SNX24: variants seen among roughly 807,000 people sequenced by gnomAD.
SNX24 encodes sorting nexin-24.
Under a neutral mutation model 28.7 loss-of-function variants are expected in SNX24, and 22 were observed. The ratio of observed to expected loss-of-function variants is 0.77; its 90% CI spans 0.55 to 1.10. The LOEUF is 1.10. Ranked by LOEUF, SNX24 falls within the 50% of genes least tolerant of loss-of-function variation. The pLI is 0.00. For synonymous variants in SNX24, 69 were observed against 71.5 expected (o/e 0.96, Z 0.18); for missense variants, 221 against 201.1 (o/e 1.10, Z -0.60).
chr5:123,028,291 GT>G (rs1309112030), intron 5 of SNX24, among the ~76,000 whole-genome samples: 1 of 152,144 alleles, frequency 6.6e-6, no homozygotes, highest in African/African-American at 2.4e-5. Context: ...GTTTTTCACT[GT>G]TTTGTCAATA....
intron 1 of SNX24, among the ~76,000 whole-genome samples, chr5:122,889,544 A>C (rs1302265694): frequency 1.3e-5 from 2 of 150,522 alleles, no homozygotes; most frequent in Admixed American, 6.6e-5. Context: ...AAAGACTAAA[A>C]CCCTTTTTGT....
chr5:122,976,510 A>T (rs1345365383), intron 3 of SNX24, among the ~76,000 whole-genome samples: 1 of 152,214 alleles, frequency 6.6e-6, no homozygotes, highest in African/African-American at 2.4e-5. Context: ...TACAAGGATG[A>T]AAGTCACTCT....
At chr5:122,900,604 C>CA (rs1757397679) in intron 1 of SNX24, among the ~76,000 whole-genome samples, 1 of 151,624 alleles carries the variant, frequency 6.6e-6, no homozygotes, top group Non-Finnish European at 1.5e-5. Context: ...CCCATCACTA[C>CA]AAAAAATATA....
downstream of SNX24, among the ~76,000 whole-genome samples, chr5:123,013,069 G>C (rs370957901): frequency 2.0e-5 from 3 of 152,250 alleles, no homozygotes; most frequent in Non-Finnish European, 4.4e-5. Flanking sequence ...TCAACTCTTG[G>C]GGGTGTTTGT....
intron 2 of SNX24, among the ~76,000 whole-genome samples, chr5:122,943,015 A>G (rs113885876): frequency 1.6e-4 from 24 of 152,324 alleles, no homozygotes; most frequent in Non-Finnish European, 2.2e-4. Flanking sequence ...TTGTGATTCA[A>G]TAGTTCAAAA....
intron 3 of SNX24, among the ~76,000 whole-genome samples, chr5:122,977,932 T>A (rs1419791994): frequency 1.3e-5 from 2 of 152,226 alleles, no homozygotes; most frequent in African/African-American, 4.8e-5. Context: ...AATTTTAGTC[T>A]CAGCCAAATA....
chr5:122,979,959 C>G (rs1422776059), intron 3 of SNX24, among the ~76,000 whole-genome samples: 1 of 152,292 alleles, frequency 6.6e-6, no homozygotes, highest in African/African-American at 2.4e-5. Flanking sequence ...TAAACATTTT[C>G]CTTGAAGCTG....
At chr5:123,000,503 G>A (rs866213140) in intron 4 of SNX24, among the ~76,000 whole-genome samples, 19 of 152,128 alleles carry the variant, frequency 1.2e-4, no homozygotes, top group Non-Finnish European at 2.1e-4. Flanking sequence ...TTGCAGAACC[G>A]AGGCCTTCCA....
At chr5:122,878,151 C>T (rs165976) in intron 1 of SNX24, among the ~76,000 whole-genome samples, 27,897 of 151,924 alleles carry the variant, frequency 0.18, 3,056 homozygotes, top group East Asian at 0.48. Flanking sequence ...TTTTGGGACC[C>T]GGGGTGGGAA....
chr5:122,943,002 A>G (rs968854680), intron 2 of SNX24, among the ~76,000 whole-genome samples: 2 of 152,190 alleles, frequency 1.3e-5, no homozygotes, highest in East Asian at 1.9e-4. Context: ...TCTGAAATAT[A>G]TGTTGTGATT....
chr5:122,951,284 A>AAAAAAG (rs1759929805), intron 3 of SNX24, among the ~76,000 whole-genome samples: 1 of 132,386 alleles, frequency 7.6e-6, no homozygotes, highest in African/African-American at 3.0e-5. Flanking sequence ...AAAAAAAAAG[A>AAAAAAG]AAAAGAAAAG....
intron 3 of SNX24, among the ~76,000 whole-genome samples, chr5:122,957,697 C>A (rs944350594): frequency 1.7e-4 from 26 of 152,108 alleles, no homozygotes; most frequent in Non-Finnish European, 3.5e-4. Context: ...TCTTTAATTT[C>A]TTTCAGACAT....
At chr5:122,979,140 G>T (rs925787438) in intron 3 of SNX24, among the ~76,000 whole-genome samples, 1 of 152,118 alleles carries the variant, frequency 6.6e-6, no homozygotes, top group East Asian at 1.9e-4. Flanking sequence ...ATGAACAGAG[G>T]CCGGGTATTG....
intron 1 of SNX24, among the ~76,000 whole-genome samples, chr5:122,930,917 C>A (rs74995830): frequency 6.6e-6 from 1 of 152,162 alleles, no homozygotes; most frequent in South Asian, 2.1e-4. Flanking sequence ...AAATGACATA[C>A]AGCAGGTCCT....
At chr5:122,854,023 CT>C (rs10711290) in intron 1 of SNX24, among the ~76,000 whole-genome samples, 88,954 of 151,764 alleles carry the variant, frequency 0.59, 26,467 homozygotes, top group African/African-American at 0.67. Context: ...TCGAGTTTAT[CT>C]ACTGAAATTC....
chr5:122,941,237 G>T (rs1759431981), intron 2 of SNX24, among the ~76,000 whole-genome samples: 1 of 152,100 alleles, frequency 6.6e-6, no homozygotes, highest in South Asian at 2.1e-4. Context: ...CCTTTCCCAT[G>T]TAAGCGAATA....
chr5:123,021,837 C>T lies in SNX24; in HGVS notation n.384-7401C>T, dbSNP rs150564800. On this transcript the variant is annotated intron_variant and non_coding_transcript_variant, in intron 5 of 5. Coordinates refer to the SNX24 transcript ENST00000502387. ...CCTAACACACTGGCTTTCTCTTCTG[C>T]CCTGGAATTCACTCATCTTTATCTT... Among the ~76,000 whole-genome samples, 164 of 152,196 alleles carry T rather than the reference C, an allele frequency of 1.1e-3. 1 individual carries two copies. The highest frequency in any genetic ancestry group is 4.3e-3 in the Admixed American group (66 of 15,286).
At chr5:123,026,641 C>T (rs780533359) in intron 5 of SNX24, among the ~76,000 whole-genome samples, 55 of 152,174 alleles carry the variant, frequency 3.6e-4, no homozygotes, top group Non-Finnish European at 7.4e-4. Flanking sequence ...TTGGTCACAG[C>T]AACTTCAGGA....
chr5:122,926,934 T>G (rs987042001), intron 1 of SNX24, among the ~76,000 whole-genome samples: 1 of 152,220 alleles, frequency 6.6e-6, no homozygotes, highest in Non-Finnish European at 1.5e-5. Context: ...CCTGTAGAGA[T>G]GTATGAATGT....
Sources: allele counts gnomAD v4.1 joint callset (sites outside exome capture counted in the v4.1 genomes callset), GRCh38; gene constraint gnomAD v4.1.1; transcripts MANE v1.5; gene names NCBI Gene and HGNC (gene_info 2026-07-23, HGNC 2026-07-21).